BPTF: variants seen among roughly 807,000 people sequenced by gnomAD.
BPTF encodes the protein nucleosome-remodeling factor subunit BPTF.
Under a neutral mutation model 292.5 loss-of-function variants are expected in BPTF, and 18 were observed. That is an observed-to-expected ratio of 0.06 (90% CI 0.04 to 0.09). The LOEUF (loss-of-function observed/expected upper bound fraction) is 0.09. Ranked by LOEUF, BPTF falls within the 10% of genes least tolerant of loss-of-function variation. The pLI, the probability that BPTF is intolerant of heterozygous loss-of-function variation, is 1.00. For synonymous variants in BPTF, 1,225 were observed against 1,251.9 expected, an observed-to-expected ratio of 0.98 and a Z score of 0.45; for missense variants, 2,726 against 3,498.7, an observed-to-expected ratio of 0.78 and a Z score of 5.57.
chr17:67,912,236 A>G lies in BPTF; in HGVS notation c.4352A>G (p.Asp1451Gly), dbSNP rs2062703847. Residue 1451 changes from aspartate (D) to glycine (G), a missense_variant, in exon 11 of 28, where the codon GAT becomes GGT. Physicochemically the swap from Asp to Gly is moderately conservative, Grantham distance 94 (BLOSUM62 -1). This residue lies in a region of BPTF where 713 missense variants were observed against 714.9 expected (regional missense o/e 1.00). Coordinates refer to ENST00000306378, the MANE Select transcript of BPTF (RefSeq NM_182641.4). ...NNINKIIPEN[D>G]IKSLTVKESA... ...ATAAATAAAATAATCCCTGAGAATG[A>G]TATTAAATCATTGACTGTTAAAGAA... is the stretch of plus-strand genomic sequence containing the variant. 1.2e-6 allele frequency: 2 copies of G among 1,610,582 alleles called. No individual in the cohort carries two copies. Among genetic ancestry groups the G allele is most frequent in the Non-Finnish European group, 1.7e-6 (2 of 1,178,356 alleles).
chr17:67,902,131 C>T lies in BPTF; in HGVS notation c.2544-1658C>T, dbSNP rs150781461. Among the ~76,000 whole-genome samples, 316 of 152,322 alleles carry T rather than the reference C, an allele frequency of 2.1e-3. 3 individuals carry two copies. The highest frequency in any genetic ancestry group is 7.3e-3 in the African/African-American group (303 of 41,564). ...GACTGCCTAACTGGCCTTGCTTCCT[C>T]CACAAAGAGAAGCCTTTGTATTTGG... On this transcript the variant is annotated intron_variant, in intron 7 of 27. Coordinates refer to ENST00000306378, the MANE Select transcript of BPTF (RefSeq NM_182641.4).
intron 24 of BPTF, among the ~76,000 whole-genome samples, chr17:67,963,810 G>A (rs1302302837): frequency 6.6e-6 from 1 of 152,170 alleles, no homozygotes; most frequent in East Asian, 1.9e-4. Flanking sequence ...CTTTATCAGT[G>A]TTTGAAATGG....
chr17:67,952,495 T>C (rs1186833118), intron 23 of BPTF, among the ~76,000 whole-genome samples: 1 of 152,116 alleles, frequency 6.6e-6, no homozygotes, highest in Non-Finnish European at 1.5e-5. Flanking sequence ...ACTCCTGACC[T>C]CAAGTGATCC....
At chr17:67,876,836 T>C (rs927244131) in intron 4 of BPTF, among the ~76,000 whole-genome samples, 3 of 151,922 alleles carry the variant, frequency 2.0e-5, no homozygotes, top group Admixed American at 2.0e-4. Context: ...AAAGAAAATA[T>C]ATTTATATGA....
chr17:67,941,710 C>T (rs117060605), intron 19 of BPTF, among the ~76,000 whole-genome samples: 1 of 152,142 alleles, frequency 6.6e-6, no homozygotes, highest in African/African-American at 2.4e-5. Context: ...TCTACATAAA[C>T]TCAATTCCAG....
chr17:67,966,709 A>G, intron 26 of BPTF, 53 bp downstream of exon 26: 1 of 1,353,896 alleles, frequency 7.4e-7, no homozygotes, highest in Non-Finnish European at 9.9e-7. Context: ...TGGATGTTTT[A>G]TTATCCATAA....
chr17:67,936,103 T>G (rs547503474), intron 18 of BPTF, among the ~76,000 whole-genome samples: 29 of 152,318 alleles, frequency 1.9e-4, no homozygotes, highest in African/African-American at 7.0e-4. Flanking sequence ...AATAATTTTC[T>G]TACTATAAAA....
At chr17:67,931,382 A>G (rs141404296) in intron 17 of BPTF, among the ~76,000 whole-genome samples, 2 of 152,346 alleles carry the variant, frequency 1.3e-5, no homozygotes, top group African/African-American at 4.8e-5. Context: ...CTGAGGCAGG[A>G]GGATTGCTTA....
intron 23 of BPTF, among the ~76,000 whole-genome samples, chr17:67,958,344 CAG>C (rs759563901): frequency 6.6e-6 from 1 of 151,904 alleles, no homozygotes; most frequent in Non-Finnish European, 1.5e-5. Context: ...AAAGAAAAAA[CAG>C]AGTACAGTAA....
chr17:67,900,062 C>A (rs2061719113), intron 7 of BPTF, among the ~76,000 whole-genome samples: 2 of 152,012 alleles, frequency 1.3e-5, no homozygotes, highest in African/African-American at 4.8e-5. Context: ...ACAACAACAA[C>A]AAAAACCTCC....
chr17:67,940,945 G>C (rs1319485505), intron 19 of BPTF, among the ~76,000 whole-genome samples: 4 of 152,164 alleles, frequency 2.6e-5, no homozygotes, highest in Admixed American at 2.0e-4. Flanking sequence ...AGTACATTAA[G>C]CTGCTTCCTT....
intron 1 of BPTF, among the ~76,000 whole-genome samples, chr17:67,841,751 A>G (rs1165624074): frequency 6.6e-6 from 1 of 152,100 alleles, no homozygotes; most frequent in African/African-American, 2.4e-5. Flanking sequence ...TTTTAAATTT[A>G]ATCTGACAGC....
chr17:67,924,583 G>A lies in BPTF; in HGVS notation c.5745G>A (p.Gln1915=), dbSNP rs1488949547. The A allele has an allele frequency of 6.2e-7, 1 of 1,613,730 alleles. No individual in the cohort carries two copies. The highest frequency in any genetic ancestry group is 1.1e-5 in the South Asian group (1 of 91,038). Residue 1915 remains glutamine, a synonymous_variant, in exon 15 of 28, where the codon CAG becomes CAA. Transcript: ENST00000306378. The part of the protein sequence containing the change: ...EKEKAQAVEQ[Q]AKKRLEQQKP... ...AAAAGGCACAAGCAGTTGAGCAACA[G>A]GCTAAGGTTAGTGAACAGAAGAAGG...
chr17:67,868,489 G>T (rs1275823857), intron 3 of BPTF, among the ~76,000 whole-genome samples: 1 of 152,112 alleles, frequency 6.6e-6, no homozygotes. Flanking sequence ...CATATTCAAG[G>T]GTTCTGCATC....
chr17:67,906,288 C>T (rs887298524), intron 9 of BPTF, among the ~76,000 whole-genome samples: 28 of 152,196 alleles, frequency 1.8e-4, no homozygotes, highest in African/African-American at 6.7e-4. Context: ...ACTATGTTGG[C>T]CAGGGTGGTC....
At chr17:67,923,268 G>C (rs546671293) in intron 14 of BPTF, among the ~76,000 whole-genome samples, 1 of 151,760 alleles carries the variant, frequency 6.6e-6, no homozygotes, top group Non-Finnish European at 1.5e-5. Context: ...ATGTTGTTCA[G>C]GCTGATCTTG....
At chr17:67,898,871 A>G (rs2061628699) in intron 7 of BPTF, among the ~76,000 whole-genome samples, 1 of 149,904 alleles carries the variant, frequency 6.7e-6, no homozygotes, top group South Asian at 2.1e-4. Flanking sequence ...GCAGTGAGCC[A>G]TAATTGCACC....
chr17:67,976,049 G>GT, intron 27 of BPTF, 91 bp downstream of exon 27: 1 of 1,013,792 alleles, frequency 9.9e-7, no homozygotes, highest in Non-Finnish European at 1.4e-6. Flanking sequence ...GCAGTTTATG[G>GT]TAAATTTAAC....
At position 67,866,481 on chromosome 17, in the gene BPTF, A is replaced by G. The variant is rs2059397843; in HGVS notation, c.1454A>G (p.Asn485Ser). The G allele has an allele frequency of 9.9e-6, 16 of 1,609,808 alleles. No individual in the cohort carries two copies. The highest frequency in any genetic ancestry group is 1.4e-5 in the Non-Finnish European group (16 of 1,176,074). ...TTAAACAGAGAAGAAGATACAGAAAATGAAAATGAAAAGAAAATTTGGTAT... is the reference window on the plus strand; with the variant it reads ...TTAAACAGAGAAGAAGATACAGAAAGTGAAAATGAAAAGAAAATTTGGTAT... ...RRLIIEEDTE[N>S]ENEKKIWYYS... The change falls in exon 3 of 28, where the codon AAT becomes AGT. Residue 485 changes from asparagine (N) to serine (S), a missense_variant. By Grantham distance (46) the Asn-to-Ser change is conservative (BLOSUM62 1). This residue lies in a region of BPTF where 187 missense variants were observed against 201.5 expected (regional missense o/e 0.93). Coordinates refer to ENST00000306378, the MANE Select transcript of BPTF (RefSeq NM_182641.4).
Sources: allele counts gnomAD v4.1 joint callset (sites outside exome capture counted in the v4.1 genomes callset), GRCh38; gene constraint gnomAD v4.1.1; regional missense constraint gnomAD v4.1.1; transcripts MANE v1.5; gene names NCBI Gene and HGNC (gene_info 2026-07-23, HGNC 2026-07-21).